The following CDH2 variants were observed in gnomAD, a reference collection of about 807,000 sequenced individuals.
The protein encoded by CDH2 is cadherin 2.
In CDH2, 17 loss-of-function variants were observed where a neutral mutation model predicts 92.0. The ratio of observed to expected loss-of-function variants is 0.18; its 90% CI spans 0.13 to 0.28. The LOEUF is 0.28. Ranked by LOEUF, CDH2 falls within the 10% of genes least tolerant of loss-of-function variation. The pLI is 1.00. For synonymous variants in CDH2, 419 were observed against 415.9 expected (o/e 1.01, Z -0.09); for missense variants, 862 against 1,133.1 (o/e 0.76, Z 3.44).
chr18:27,964,948 C>T (rs1162824410), intron 14 of CDH2, among the ~76,000 whole-genome samples: 1 of 152,072 alleles, frequency 6.6e-6, no homozygotes, highest in African/African-American at 2.4e-5. Flanking sequence ...GTGAGGAATG[C>T]TTAAAATAAC....
At chr18:28,011,148 T>C (rs185279647) in intron 4 of CDH2, among the ~76,000 whole-genome samples, 1 of 152,256 alleles carries the variant, frequency 6.6e-6, no homozygotes, top group African/African-American at 2.4e-5. Context: ...AAAATAATCA[T>C]ATACAGAAAC....
At chr18:28,009,341 A>G (rs750426683) in intron 5 of CDH2, among the ~76,000 whole-genome samples, 4 of 152,108 alleles carry the variant, frequency 2.6e-5, no homozygotes, top group Non-Finnish European at 2.9e-5. Context: ...CTTTGATTAG[A>G]ATACTATGCA....
At chr18:28,153,452 CAA>C (rs1260578666) in intron 1 of CDH2, among the ~76,000 whole-genome samples, 1 of 152,172 alleles carries the variant, frequency 6.6e-6, no homozygotes, top group African/African-American at 2.4e-5. Flanking sequence ...TGAGATACCC[CAA>C]AGTCTTCATG....
intron 14 of CDH2, among the ~76,000 whole-genome samples, chr18:27,974,601 T>C (rs2011763814): frequency 6.6e-6 from 1 of 152,218 alleles, no homozygotes; most frequent in Admixed American, 6.5e-5. Flanking sequence ...TGCTACGCTC[T>C]GAATGTCTGT....
At chr18:28,112,655 A>G (rs2144256614) in intron 2 of CDH2, among the ~76,000 whole-genome samples, 1 of 152,268 alleles carries the variant, frequency 6.6e-6, no homozygotes, top group Admixed American at 6.5e-5. Context: ...AGGCTCTTAT[A>G]AATATCTTCT....
At chr18:28,019,358 G>A (rs1486012456) in intron 2 of CDH2, among the ~76,000 whole-genome samples, 43 of 151,742 alleles carry the variant, frequency 2.8e-4, no homozygotes, top group Non-Finnish European at 2.9e-5. Flanking sequence ...GGGAAGGCAG[G>A]AAGGAAGGAA....
At chr18:28,010,563 G>A (rs2013066114) in intron 4 of CDH2, among the ~76,000 whole-genome samples, 1 of 152,100 alleles carries the variant, frequency 6.6e-6, no homozygotes, top group Admixed American at 6.5e-5. Context: ...GCAGTCACAG[G>A]AGACAGAACA....
intron 2 of CDH2, among the ~76,000 whole-genome samples, chr18:28,088,796 T>C (rs922097824): frequency 2.0e-5 from 3 of 152,064 alleles, no homozygotes; most frequent in East Asian, 1.9e-4. Context: ...TAGCAAAAGA[T>C]AGACACCATA....
At chr18:28,172,728 C>T (rs1302810871) in intron 1 of CDH2, among the ~76,000 whole-genome samples, 2 of 152,078 alleles carry the variant, frequency 1.3e-5, no homozygotes, top group African/African-American at 4.8e-5. Flanking sequence ...AGTGCCTAAA[C>T]TTGATTACTT....
At chr18:28,062,956 GATC>G (rs1336015763) in intron 2 of CDH2, among the ~76,000 whole-genome samples, 1 of 152,094 alleles carries the variant, frequency 6.6e-6, no homozygotes, top group East Asian at 1.9e-4. Context: ...CTGGGTGACA[GATC>G]ATGACTCTGT....
At chr18:28,146,823 G>C (rs905883386) in intron 2 of CDH2, 1 of 152,068 alleles carries the variant, frequency 6.6e-6, no homozygotes, top group South Asian at 2.1e-4. Context: ...CAGCCTCAGA[G>C]ATATGCAAGA....
chr18:28,084,031 A>G (rs894803249), intron 2 of CDH2, among the ~76,000 whole-genome samples: 1 of 152,194 alleles, frequency 6.6e-6, no homozygotes, highest in African/African-American at 2.4e-5. Flanking sequence ...TGTCCTGGGT[A>G]GCCAGTAAGC....
chr18:28,032,241 C>T (rs1266190174), intron 2 of CDH2, among the ~76,000 whole-genome samples: 1 of 152,094 alleles, frequency 6.6e-6, no homozygotes, highest in African/African-American at 2.4e-5. Context: ...CCAACAACAA[C>T]AGTCTGGTGT....
At chr18:28,172,046 T>C (rs549563213) in intron 1 of CDH2, among the ~76,000 whole-genome samples, 29 of 152,068 alleles carry the variant, frequency 1.9e-4, no homozygotes, top group Admixed American at 1.6e-3. Context: ...GAGACTCATA[T>C]GTATATAGCA....
chr18:28,089,026 T>C (rs11564396), intron 2 of CDH2, among the ~76,000 whole-genome samples: 28,418 of 152,174 alleles, frequency 0.19, 2,967 homozygotes, highest in East Asian at 0.36. Flanking sequence ...CACACTGTGA[T>C]TTAGTTTCAT....
intron 14 of CDH2, among the ~76,000 whole-genome samples, chr18:27,977,915 C>T (rs2011904964): frequency 6.6e-6 from 1 of 152,108 alleles, no homozygotes; most frequent in Non-Finnish European, 1.5e-5. Context: ...TTGTCCAGAA[C>T]ACAGCATGGC....
At chr18:28,001,593 T>C (rs912165754) in intron 7 of CDH2, among the ~76,000 whole-genome samples, 4 of 146,362 alleles carry the variant, frequency 2.7e-5, no homozygotes, top group African/African-American at 7.8e-5. Context: ...AATATACACA[T>C]GTTACTGAAC....
At chr18:28,056,603 T>A (rs2014298195) in intron 2 of CDH2, among the ~76,000 whole-genome samples, 1 of 152,202 alleles carries the variant, frequency 6.6e-6, no homozygotes, top group Non-Finnish European at 1.5e-5. Flanking sequence ...AATAAACGAC[T>A]ATTATTTCAC....
intron 2 of CDH2, among the ~76,000 whole-genome samples, chr18:28,055,881 A>G (rs1043372905): frequency 1.3e-5 from 2 of 152,194 alleles, no homozygotes; most frequent in Non-Finnish European, 1.5e-5. Flanking sequence ...TGTATACAGA[A>G]AGTGTTACTA....
Sources: allele counts gnomAD v4.1 joint callset (sites outside exome capture counted in the v4.1 genomes callset), GRCh38; gene constraint gnomAD v4.1.1; transcripts MANE v1.5; gene names NCBI Gene and HGNC (gene_info 2026-07-23, HGNC 2026-07-21).